The following STAT3 variants were observed in gnomAD, a reference collection of about 807,000 sequenced individuals.
STAT3 encodes the protein signal transducer and activator of transcription 3.
In STAT3, 7 loss-of-function variants were observed where a neutral mutation model predicts 114.3. The ratio of observed to expected loss-of-function variants is 0.06; its 90% CI spans 0.03 to 0.11. The LOEUF (loss-of-function observed/expected upper bound fraction) is 0.11, where lower values mean the gene tolerates loss of function less well. Ranked by LOEUF, STAT3 falls within the 10% of genes least tolerant of loss-of-function variation. The probability of loss-of-function intolerance (pLI) is 1.00; values close to 1 mark genes in which losing one functional copy is unlikely to be tolerated. For missense variants in STAT3, 364 were observed against 960.9 expected, an observed-to-expected ratio of 0.38 and a Z score of 8.21; for synonymous variants, 331 against 354.5, an observed-to-expected ratio of 0.93 and a Z score of 0.74.
chr17:42,348,319 A>T, intron 2 of STAT3, 70 bp downstream of exon 2: 1 of 1,596,258 alleles, frequency 6.3e-7, no homozygotes. Context: ...AAGGCATGAC[A>T]TTAAGAGTTC....
chr17:42,341,901 G>A (rs958460395), intron 4 of STAT3, among the ~76,000 whole-genome samples: 1 of 151,922 alleles, frequency 6.6e-6, no homozygotes, highest in African/African-American at 2.4e-5. Context: ...CTGGATTTGG[G>A]CCACGCTCAC....
rs1567717861 is a variant in STAT3 at position 42,333,344 on chromosome 17, TA to T, written c.1049+328del. 1.3e-5 allele frequency among the ~76,000 whole-genome samples: 2 copies of T among 152,028 alleles called. No individual in the cohort carries two copies. The highest frequency in any genetic ancestry group is 4.8e-5 in the African/African-American group (2 of 41,384). ...CATCACTAAGCCTTACTCTTTCCCT[TA>T]AAATCCACAGGGAAGAGTAGCCTCA... is the stretch of plus-strand genomic sequence containing the variant. On this transcript the variant is annotated intron_variant, in intron 10 of 23. Transcript: ENST00000264657. This position sits in a 1 kb window ranked among gnomAD's most constrained non-coding sequence, Gnocchi z 5.2.
intron 12 of STAT3, 50 bp from the exon 13 acceptor site, chr17:42,329,697 G>A (rs2144776831): frequency 2.5e-6 from 4 of 1,614,096 alleles, no homozygotes; most frequent in Non-Finnish European, 3.4e-6. Context: ...GTAGCCGGAG[G>A]ATGAAGTTAG....
Position 42,356,521 on chromosome 17 carries a change from G to GTA in STAT3, c.-23-7983_-23-7982insTA, listed in dbSNP as rs764003152. On this transcript the variant is annotated intron_variant, in intron 1 of 23. Coordinates refer to ENST00000264657, the MANE Select transcript of STAT3 (RefSeq NM_139276.3). Reference sequence around the variant, plus strand: ...TCTATTTCAGAATGTGTTTGTGTGTGTGTATATATATATATATATTTTTTT... The same window carrying GTA: ...TCTATTTCAGAATGTGTTTGTGTGTGTATGTATATATATATATATATTTTTTT... 1.6e-3 allele frequency among the ~76,000 whole-genome samples: 231 copies of GTA among 143,626 alleles called. 4 individuals are homozygous for GTA. Among genetic ancestry groups the GTA allele is most frequent in the African/African-American group, 5.4e-3 (205 of 37,744 alleles). The allele number at this position is 143,626 out of a possible 152,430, so 94.2% of individuals were successfully genotyped here. A position where few individuals can be genotyped will look rare whatever the true frequency, so the allele number is the denominator to read the frequency against.
chr17:42,315,286 G>A lies in STAT3; in HGVS notation c.*459C>T. 3.0e-6 allele frequency: 1 copy of A among 329,468 alleles called. No individual in the cohort carries two copies. Among genetic ancestry groups the A allele is most frequent in the South Asian group, 4.3e-5 (1 of 23,052 alleles). The allele number at this position is 329,468 out of a possible 1,614,324, so 20.4% of individuals were successfully genotyped here. A position where few individuals can be genotyped will look rare whatever the true frequency, so the allele number is the denominator to read the frequency against. ...TATCTTCTATTTGGATGTCAGCAAG[G>A]TTAAAAAGTGCAATGCCAGGAGTAT... On this transcript the variant is annotated 3_prime_UTR_variant, in exon 24 of 24. Coordinates refer to ENST00000264657, the MANE Select transcript of STAT3 (RefSeq NM_139276.3).
chr17:42,382,939 G>A (rs997308623), intron 1 of STAT3, among the ~76,000 whole-genome samples: 3 of 151,948 alleles, frequency 2.0e-5, no homozygotes, highest in African/African-American at 7.3e-5. Context: ...CACCACACCC[G>A]GCTGGGTAAG....
intron 2 of STAT3, among the ~76,000 whole-genome samples, chr17:42,347,895 T>C (rs372236419): frequency 2.7e-4 from 41 of 152,306 alleles, no homozygotes; most frequent in African/African-American, 8.9e-4. Context: ...CTATATAGCC[T>C]GCAGAACTAT....
In STAT3 at chr17:42,319,842, G is replaced by A. The variant is rs368875914; in HGVS notation, c.2101+2440C>T. On this transcript the variant is annotated intron_variant, in intron 21 of 23. Coordinates refer to ENST00000264657, the MANE Select transcript of STAT3 (RefSeq NM_139276.3). ...ATAACACAGGGACACCCCCACACCCGTCACCACACTCACATGGAGTCCCTC... is the reference window on the plus strand; with the variant it reads ...ATAACACAGGGACACCCCCACACCCATCACCACACTCACATGGAGTCCCTC... 8.5e-5 allele frequency among the ~76,000 whole-genome samples: 13 copies of A among 152,192 alleles called. No individual in the cohort carries two copies. In the South Asian group the frequency reaches 1.9e-3, roughly 22 times the overall value.
At chr17:42,334,161 A>AT (rs956669968) in intron 8 of STAT3, 112 bp from the exon 9 acceptor site, 43 of 1,258,288 alleles carry the variant, frequency 3.4e-5, no homozygotes, top group Non-Finnish European at 4.5e-5. Flanking sequence ...AGAACAAGGA[A>AT]TTTTTTTATT....
At chr17:42,331,789 G>A (rs375929619) in intron 10 of STAT3, among the ~76,000 whole-genome samples, 6 of 152,090 alleles carry the variant, frequency 3.9e-5, no homozygotes, top group Admixed American at 6.6e-5. Context: ...TTAGCGGGGT[G>A]TGGTAGCATG....
Position 42,333,668 on chromosome 17 carries a change from C to A in STAT3, c.1049+5G>T. 6.2e-7 allele frequency: 1 copy of A among 1,614,002 alleles called. No individual in the cohort carries two copies. Among genetic ancestry groups the A allele is most frequent in the Non-Finnish European group, 8.5e-7 (1 of 1,179,926 alleles). ...TCTACTGGAAATGGAAGTGGCATGG[C>A]CTACCTGACTTTAGTAGTGAACTGG... On this transcript the variant is annotated splice_donor_5th_base_variant and intron_variant, in intron 10 of 23. Coordinates refer to ENST00000264657, the MANE Select transcript of STAT3 (RefSeq NM_139276.3). This position sits in a 1 kb window ranked among gnomAD's most constrained non-coding sequence, Gnocchi z 5.2.
chr17:42,334,909 C>T (rs1030061057), intron 8 of STAT3, among the ~76,000 whole-genome samples: 9 of 152,118 alleles, frequency 5.9e-5, no homozygotes, highest in Non-Finnish European at 1.2e-4. Flanking sequence ...ATGCAGAACA[C>T]GAAATATGGA....
chr17:42,335,504 T>C (rs1308905300), intron 8 of STAT3, among the ~76,000 whole-genome samples: 1 of 152,200 alleles, frequency 6.6e-6, no homozygotes, highest in East Asian at 1.9e-4. Context: ...CCATAAGCCT[T>C]TTCAATGTCA....
chr17:42,330,879 A>C (rs1488328074), intron 11 of STAT3, among the ~76,000 whole-genome samples: 1 of 152,224 alleles, frequency 6.6e-6, no homozygotes, highest in African/African-American at 2.4e-5. Context: ...TATGGAAAGA[A>C]TATATAACGA....
At position 42,345,539 on chromosome 17, in the gene STAT3, T is replaced by C; in HGVS notation, c.372+20A>G. 6.3e-7 allele frequency: 1 copy of C among 1,585,022 alleles called. No individual in the cohort carries two copies. The highest frequency in any genetic ancestry group is 1.1e-5 in the South Asian group (1 of 88,052). ...TTCCATTCCTCCCAGACCAGGGATT[T>C]GTTTTGTCTCAGGTCTCACCTGGGC... On this transcript the variant is annotated intron_variant, in intron 4 of 23. Coordinates refer to ENST00000264657, the MANE Select transcript of STAT3 (RefSeq NM_139276.3).
At chr17:42,341,367 ACT>A (rs760609565) in intron 4 of STAT3, among the ~76,000 whole-genome samples, 8 of 152,006 alleles carry the variant, frequency 5.3e-5, no homozygotes, top group East Asian at 3.9e-4. Flanking sequence ...GTGTTTCCAC[ACT>A]CTCTTCCCAC....
chr17:42,369,150 G>A (rs573710226), intron 1 of STAT3, among the ~76,000 whole-genome samples: 5 of 152,206 alleles, frequency 3.3e-5, no homozygotes, highest in African/African-American at 1.2e-4. Flanking sequence ...ATGAGGTCAG[G>A]AGTTCAAGAA....
intron 1 of STAT3, among the ~76,000 whole-genome samples, chr17:42,363,327 C>G (rs1478214383): frequency 6.6e-6 from 1 of 152,138 alleles, no homozygotes; most frequent in East Asian, 1.9e-4. Context: ...ACAGCACTCC[C>G]CAGCTCAAAA....
intron 14 of STAT3, 145 bp downstream of exon 14, chr17:42,329,265 C>G: frequency 8.6e-7 from 1 of 1,165,358 alleles, no homozygotes; most frequent in Non-Finnish European, 1.3e-6. Flanking sequence ...CTGTTCATGT[C>G]ACTTTGGCCT....
Sources: allele counts gnomAD v4.1 joint callset (sites outside exome capture counted in the v4.1 genomes callset), GRCh38; gene constraint gnomAD v4.1.1; non-coding constraint Gnocchi (gnomAD v3.1); transcripts MANE v1.5; gene names NCBI Gene and HGNC (gene_info 2026-07-23, HGNC 2026-07-21).